Variants in TRPV1 observed in about 807,000 individuals in gnomAD.
The protein encoded by TRPV1 is transient receptor potential cation channel subfamily V member 1, also known as OTRPC1.
TRPV1 carries 82 observed loss-of-function variants against 82.3 expected under a neutral mutation model. The observed-to-expected ratio is 1.00, with a 90% CI of 0.83 to 1.20. TRPV1 has a LOEUF of 1.20. Among genes scored for constraint, TRPV1 ranks in the 50% most tolerant of loss-of-function variants. The probability of loss-of-function intolerance (pLI) is 0.00; values close to 1 mark genes in which losing one functional copy is unlikely to be tolerated. For missense variants in TRPV1, 1,067 were observed against 1,096.8 expected, an observed-to-expected ratio of 0.97 and a Z score of 0.38; for synonymous variants, 515 against 467.7, an observed-to-expected ratio of 1.10 and a Z score of -1.30.
chr17:3,604,603 CA>C (rs61400031), intron 2 of TRPV1, among the ~76,000 whole-genome samples: 37,202 of 116,546 alleles, frequency 0.32, 7,005 homozygotes, highest in African/African-American at 0.59. Flanking sequence ...CAAAAAGTCT[CA>C]AAAAAAAAAA....
At chr17:3,604,098 T>C (rs966280173) in intron 2 of TRPV1, among the ~76,000 whole-genome samples, 3 of 152,208 alleles carry the variant, frequency 2.0e-5, no homozygotes, top group African/African-American at 7.2e-5. Context: ...TCCCCTGCAG[T>C]TGTAATCAGA....
chr17:3,573,551 C>CCCCCCCCCCCCCCCTGTT, intron 14 of TRPV1, 82 bp downstream of exon 14: 1 of 635,234 alleles, frequency 1.6e-6, no homozygotes, highest in South Asian at 6.1e-5. Context: ...ACCCACCCAC[C>CCCCCCCCCCCCCCCTGTT]TGCAGCCAGC....
At chr17:3,592,563 C>T in intron 2 of TRPV1, 180 bp from the exon 3 acceptor site, 2 of 658,228 alleles carry the variant, frequency 3.0e-6, no homozygotes, top group East Asian at 2.8e-5. Flanking sequence ...CCCCAGAGGC[C>T]TCAGAGGTGA....
chr17:3,607,260 C>A (rs2075301826), intron 2 of TRPV1, among the ~76,000 whole-genome samples: 1 of 151,896 alleles, frequency 6.6e-6, no homozygotes, highest in Admixed American at 6.6e-5. Flanking sequence ...ACAAGAATTG[C>A]TTGAACCCGG....
At chr17:3,594,127 C>CA (rs57620622) in intron 2 of TRPV1, among the ~76,000 whole-genome samples, 9,397 of 46,622 alleles carry the variant, frequency 0.2, 1,210 homozygotes, top group East Asian at 0.49. Flanking sequence ...AACTCTGTCT[C>CA]AAAAAAAAAA....
Position 3,566,883 on chromosome 17 carries a change from A to T in TRPV1, c.2452T>A (p.Phe818Ile). Reference protein sequence around the residue: ...AQPEEVYLRQFSGSLKPEDAE... With the variant: ...AQPEEVYLRQISGSLKPEDAE... ...TCCTCTGGCTTCAGAGACCCTGAAA[A>T]CTGTCGCAGATAAACTTCCTCGGGC... Residue 818 changes from phenylalanine (F) to isoleucine (I), a missense_variant, in exon 17 of 17, where the codon TTT (phenylalanine) becomes ATT (isoleucine). By Grantham distance (21) the Phe-to-Ile change is conservative. Coordinates refer to ENST00000572705, the MANE Select transcript of TRPV1 (RefSeq NM_080704.4). 1 of 1,613,948 alleles carries T rather than the reference A, an allele frequency of 6.2e-7. No individual in the cohort carries two copies.
At chr17:3,591,881 A>G (rs1315600527) in intron 3 of TRPV1, among the ~76,000 whole-genome samples, 186 bp downstream of exon 3, 2 of 152,190 alleles carry the variant, frequency 1.3e-5, no homozygotes, top group Non-Finnish European at 2.9e-5. Flanking sequence ...GACCCAGCAC[A>G]GACACCAGCC....
At chr17:3,609,218 G>A (rs1159763301) in intron 1 of TRPV1, 91 bp downstream of exon 1, 2 of 152,174 alleles carry the variant, frequency 1.3e-5, no homozygotes, top group African/African-American at 4.8e-5. Context: ...CATTTGGCCA[G>A]AGTGATCAGG....
At chr17:3,581,110 T>C (rs559934389) in intron 10 of TRPV1, among the ~76,000 whole-genome samples, 82 of 152,150 alleles carry the variant, frequency 5.4e-4, no homozygotes, top group African/African-American at 1.7e-3. Flanking sequence ...AGTTGCTGTA[T>C]TGAATTGGGC....
At chr17:3,568,669 G>C (rs1319287932) in intron 16 of TRPV1, among the ~76,000 whole-genome samples, 2 of 152,140 alleles carry the variant, frequency 1.3e-5, no homozygotes, top group African/African-American at 4.8e-5. Flanking sequence ...ACGTTTTTCA[G>C]AGATAGGACA....
rs1440837075 is a variant in TRPV1 at position 3,592,342 on chromosome 17, TTTC to T, written c.6_8del (p.Lys3del). 1.3e-6 allele frequency: 2 copies of T among 1,592,258 alleles called. No homozygotes were observed. The highest frequency in any genetic ancestry group is 1.3e-5 in the African/African-American group (1 of 74,548). On this transcript the variant is annotated inframe_deletion, in exon 3 of 17. Coordinates refer to ENST00000572705, the MANE Select transcript of TRPV1 (RefSeq NM_080704.4). ...CTGCCCCCAAGTCTGTGCTGCTCCATTTCTTCATCCTTGCTGGATCCTCTGTGG... is the reference window on the plus strand; with the variant it reads ...CTGCCCCCAAGTCTGTGCTGCTCCATTTCATCCTTGCTGGATCCTCTGTGG...
chr17:3,599,957 C>T lies in TRPV1; in HGVS notation c.-33-7574G>A, dbSNP rs112610016. Among the ~76,000 whole-genome samples, 503 of 152,254 alleles carry T rather than the reference C, an allele frequency of 3.3e-3. 10 individuals are homozygous for T. Among genetic ancestry groups the T allele is most frequent in the Admixed American group, 0.024 (371 of 15,282 alleles). ...AAGGCTGAGTAATATTCCACTGGGG[C>T]GTGGGATGGATGGACCACATTTTGC... On this transcript the variant is annotated intron_variant, in intron 2 of 16. Transcript: ENST00000572705.
Position 3,582,047 on chromosome 17 carries a change from G to A in TRPV1, c.1476+1291C>T, listed in dbSNP as rs559271476. 3.7e-3 allele frequency among the ~76,000 whole-genome samples: 555 copies of A among 148,642 alleles called. 5 individuals carry two copies. The highest frequency in any genetic ancestry group is 0.013 in the African/African-American group (514 of 40,706). ...CTACTAAAAATACAAAAAATTAGCC[G>A]GGCGTGGTGGCGGGTGCCTGTAGTC... On this transcript the variant is annotated intron_variant, in intron 10 of 16. Coordinates refer to ENST00000572705, the MANE Select transcript of TRPV1 (RefSeq NM_080704.4).
chr17:3,596,235 C>T (rs2075218581), intron 2 of TRPV1, among the ~76,000 whole-genome samples: 1 of 152,192 alleles, frequency 6.6e-6, no homozygotes, highest in Non-Finnish European at 1.5e-5. Flanking sequence ...GATCCCTTCT[C>T]TCCCCAATGC....
Position 3,584,402 on chromosome 17 carries a change from C to CAAAAAAAAAAAAAAAA in TRPV1, c.1384-973_1384-972insTTTTTTTTTTTTTTTT, listed in dbSNP as rs1447579699. 1.8e-3 allele frequency among the ~76,000 whole-genome samples: 31 copies of CAAAAAAAAAAAAAAAA among 16,768 alleles called. 1 individual carries two copies. Among genetic ancestry groups the CAAAAAAAAAAAAAAAA allele is most frequent in the African/African-American group, 6.9e-3 (30 of 4,340 alleles). 11.0% of individuals were successfully genotyped at this position (16,768 alleles called of 152,430 possible). On this transcript the variant is annotated intron_variant, in intron 9 of 16. Coordinates refer to ENST00000572705, the MANE Select transcript of TRPV1 (RefSeq NM_080704.4). ...TGGAAAACAGAGAGAGACTCTGTCT[C>CAAAAAAAAAAAAAAAA]AAAAAAAAAAAAAATAAAATAAAAA...
chr17:3,571,238 G>A (rs1164905318), intron 16 of TRPV1, among the ~76,000 whole-genome samples: 4 of 152,190 alleles, frequency 2.6e-5, no homozygotes. Flanking sequence ...GCTGGGCTGC[G>A]TCCCCTGGGG....
chr17:3,589,026 C>A, intron 7 of TRPV1: 2 of 1,437,480 alleles, frequency 1.4e-6, no homozygotes, highest in South Asian at 2.4e-5. Context: ...TGGCTCATGC[C>A]TGTAATCCCA....
intron 7 of TRPV1, chr17:3,589,101 G>A: frequency 1.3e-6 from 1 of 764,278 alleles, no homozygotes; most frequent in Non-Finnish European, 2.2e-6. Flanking sequence ...GTCACCAGGA[G>A]CCACCAGCTG....
At chr17:3,579,018 T>G (rs2074971891) in intron 11 of TRPV1, among the ~76,000 whole-genome samples, 1 of 151,886 alleles carries the variant, frequency 6.6e-6, no homozygotes, top group Non-Finnish European at 1.5e-5. Context: ...ACACTTAGGA[T>G]TCCAAAAGTG....
Sources: gnomAD v4.1 joint callset for allele counts (sites outside exome capture counted in the v4.1 genomes callset) on GRCh38, gnomAD v4.1.1 for gene constraint, MANE v1.5 for transcripts, NCBI Gene and HGNC (gene_info 2026-07-23, HGNC 2026-07-21) for gene names.